The following TMEM245 variants were observed in gnomAD, a reference collection of about 807,000 sequenced individuals.
The protein encoded by TMEM245 is transmembrane protein 245.
TMEM245 carries 69 observed loss-of-function variants against 101.2 expected under a neutral mutation model. That is an observed-to-expected ratio of 0.68 (90% CI 0.56 to 0.83). The LOEUF is 0.83. Among genes scored for constraint, TMEM245 ranks in the 40% least tolerant of loss-of-function variants. TMEM245 has a pLI of 0.00. For missense variants in TMEM245, 1,075 were observed against 1,092.8 expected, an observed-to-expected ratio of 0.98 and a Z score of 0.23; for synonymous variants, 537 against 449.8, an observed-to-expected ratio of 1.19 and a Z score of -2.45.
chr9:109,023,340 G>A (rs1307075305), intron 17 of TMEM245, among the ~76,000 whole-genome samples: 2 of 152,106 alleles, frequency 1.3e-5, no homozygotes, highest in African/African-American at 4.8e-5. Flanking sequence ...TTGGTTTTTG[G>A]CTTATTCCAG....
intron 7 of TMEM245, among the ~76,000 whole-genome samples, chr9:109,082,797 T>C (rs1029798576): frequency 2.6e-5 from 4 of 152,086 alleles, no homozygotes; most frequent in Non-Finnish European, 5.9e-5. Context: ...CAATATCCAA[T>C]TTTTTAGTTT....
intron 17 of TMEM245, among the ~76,000 whole-genome samples, chr9:109,026,191 G>C (rs561326119): frequency 1.3e-5 from 2 of 152,206 alleles, no homozygotes; most frequent in African/African-American, 4.8e-5. Context: ...GTTGACATCA[G>C]TAATTAAAAT....
At chr9:109,103,156 G>A (rs527731314) in intron 3 of TMEM245, among the ~76,000 whole-genome samples, 1 of 152,162 alleles carries the variant, frequency 6.6e-6, no homozygotes, top group Non-Finnish European at 1.5e-5. Flanking sequence ...AATTAGAAAG[G>A]AAGAAGTCAA....
chr9:109,036,721 T>A (rs1480989058), intron 15 of TMEM245, among the ~76,000 whole-genome samples: 1 of 152,156 alleles, frequency 6.6e-6, no homozygotes, highest in Non-Finnish European at 1.5e-5. Context: ...TGTCAAAACT[T>A]GTACTGAGTC....
At chr9:109,083,612 C>A (rs984168121) in intron 7 of TMEM245, among the ~76,000 whole-genome samples, 12 of 152,080 alleles carry the variant, frequency 7.9e-5, no homozygotes, top group African/African-American at 2.9e-4. Context: ...AAAACTTCTA[C>A]ACTAACTGGC....
chr9:109,116,071 T>C (rs1305777006), intron 1 of TMEM245, among the ~76,000 whole-genome samples: 1 of 152,182 alleles, frequency 6.6e-6, no homozygotes, highest in African/African-American at 2.4e-5. Flanking sequence ...GAACCTAATC[T>C]AGTGCCTGGG....
At chr9:109,040,802 A>G (rs960089433) in intron 14 of TMEM245, among the ~76,000 whole-genome samples, 16 of 152,290 alleles carry the variant, frequency 1.1e-4, no homozygotes, top group African/African-American at 3.4e-4. Flanking sequence ...GTAGTATTCC[A>G]TTATGTAGAT....
intron 12 of TMEM245, among the ~76,000 whole-genome samples, chr9:109,056,440 CAAAAA>C (rs753175633): frequency 1.6e-4 from 6 of 36,766 alleles, no homozygotes; most frequent in African/African-American, 5.3e-4. Flanking sequence ...ACTAAAAATG[CAAAAA>C]AAAAAAAAAA....
intron 14 of TMEM245, among the ~76,000 whole-genome samples, chr9:109,043,081 G>C (rs1828367647): frequency 6.6e-6 from 1 of 152,024 alleles, no homozygotes; most frequent in African/African-American, 2.4e-5. Flanking sequence ...ATAATACTGA[G>C]CATATAATTA....
At chr9:109,034,015 C>G (rs909124847) in intron 16 of TMEM245, among the ~76,000 whole-genome samples, 6 of 152,218 alleles carry the variant, frequency 3.9e-5, no homozygotes, top group African/African-American at 1.4e-4. Context: ...AAAAGGCCTC[C>G]TGAGGAAAAT....
chr9:109,105,205 C>T (rs1288226842), intron 3 of TMEM245, among the ~76,000 whole-genome samples: 2 of 152,044 alleles, frequency 1.3e-5, no homozygotes, highest in Non-Finnish European at 2.9e-5. Context: ...TTTGAATAGA[C>T]ATTTCTCCAA....
intron 8 of TMEM245, among the ~76,000 whole-genome samples, chr9:109,078,435 GT>G (rs1323188081): frequency 1.2e-4 from 19 of 152,140 alleles, no homozygotes; most frequent in Non-Finnish European, 2.2e-4. Context: ...ATAAGTGCAG[GT>G]CTGCTATCAA....
intron 8 of TMEM245, among the ~76,000 whole-genome samples, chr9:109,080,522 A>G (rs12003353): frequency 0.15 from 22,194 of 152,010 alleles, 1,845 homozygotes; most frequent in African/African-American, 0.2. Flanking sequence ...TAGAATTCAT[A>G]AGACCAGATC....
chr9:109,074,153 A>C (rs933485925), intron 8 of TMEM245, among the ~76,000 whole-genome samples: 3 of 152,150 alleles, frequency 2.0e-5, no homozygotes, highest in Non-Finnish European at 4.4e-5. Flanking sequence ...AGCCACTGTA[A>C]GTAAACTGCA....
intron 8 of TMEM245, among the ~76,000 whole-genome samples, chr9:109,073,899 C>T (rs1829415575): frequency 6.8e-6 from 1 of 147,158 alleles, no homozygotes; most frequent in Non-Finnish European, 1.5e-5. Context: ...CTCTGTCACC[C>T]AGGCTTGCTG....
chr9:109,052,476 A>G (rs4978768), intron 12 of TMEM245, among the ~76,000 whole-genome samples: 32,101 of 152,172 alleles, frequency 0.21, 3,473 homozygotes, highest in South Asian at 0.35. Flanking sequence ...TCATATGTCC[A>G]TCTGTTCTAT....
chr9:109,119,896 G>C lies in TMEM245; in HGVS notation c.18C>G (p.Gly6=). ...TCCGCAGGCTTGGCGCGTCCTTAGG[G>C]CCGCCGCCGTCGGCCATCGTTCCTC... MADGG[G]PKDAPSLRSS... Residue 6 remains glycine, a synonymous_variant, in exon 1 of 18, where the codon GGC becomes GGG. Coordinates refer to ENST00000374586, the MANE Select transcript of TMEM245 (RefSeq NM_032012.4). The C allele has an allele frequency of 1.6e-6, 2 of 1,272,388 alleles. No individual in the cohort carries two copies. Among genetic ancestry groups the C allele is most frequent in the Non-Finnish European group, 2.0e-6 (2 of 1,014,550 alleles). The allele number at this position is 1,272,388 out of a possible 1,614,324, so 78.8% of individuals were successfully genotyped here. A position where few individuals can be genotyped will look rare whatever the true frequency, so the allele number is the denominator to read the frequency against.
intron 14 of TMEM245, chr9:109,038,533 C>A (rs561073720): frequency 6.4e-6 from 1 of 157,028 alleles, no homozygotes; most frequent in African/African-American, 2.4e-5. Flanking sequence ...CAGGCTGTGG[C>A]CAGTCCTCCC....
intron 1 of TMEM245, among the ~76,000 whole-genome samples, chr9:109,113,283 G>A (rs960177699): frequency 6.6e-6 from 1 of 152,202 alleles, no homozygotes; most frequent in African/African-American, 2.4e-5. Context: ...CCTCTTAGGA[G>A]TTTTTTAATT....
Sources: gnomAD v4.1 joint callset for allele counts (sites outside exome capture counted in the v4.1 genomes callset) on GRCh38, gnomAD v4.1.1 for gene constraint, MANE v1.5 for transcripts, NCBI Gene and HGNC (gene_info 2026-07-23, HGNC 2026-07-21) for gene names.